Variants in FRAS1 observed in about 807,000 individuals in gnomAD.
FRAS1 encodes extracellular matrix organizing protein FRAS1.
FRAS1 carries 290 observed loss-of-function variants against 435.2 expected under a neutral mutation model. The ratio of observed to expected loss-of-function variants is 0.67; its 90% confidence interval spans 0.61 to 0.73. The LOEUF (loss-of-function observed/expected upper bound fraction) is 0.73, where lower values mean the gene tolerates loss of function less well. Among genes scored for constraint, FRAS1 ranks in the 30% least tolerant of loss-of-function variants. FRAS1 has a pLI of 0.00. For missense variants in FRAS1, 4,860 were observed against 5,001.5 expected (o/e 0.97, Z 0.85); for synonymous variants, 1,800 against 1,851.0 (o/e 0.97, Z 0.71).
intron 2 of FRAS1, among the ~76,000 whole-genome samples, chr4:78,206,783 A>T (rs1326359036): frequency 6.6e-6 from 1 of 152,186 alleles, no homozygotes; most frequent in Non-Finnish European, 1.5e-5. Context: ...TAGATGACTT[A>T]ACTGGGTGCA....
At position 78,294,325 on chromosome 4, in the gene FRAS1, A is replaced by G. The variant is rs116663741; in HGVS notation, c.1534+7786A>G. ...TTCAGTAGACATCACTGGAGTAGAC[A>G]ATAGGCATTTAATTAACAGGGGCCA... On this transcript the variant is annotated intron_variant, in intron 14 of 73. Coordinates refer to ENST00000512123, the MANE Select transcript of FRAS1 (RefSeq NM_025074.7). Among the ~76,000 whole-genome samples the G allele has an allele frequency of 1.7e-3, 266 of 152,284 alleles. 3 individuals are homozygous for G. The highest frequency in any genetic ancestry group is 5.7e-3 in the African/African-American group (238 of 41,570).
chr4:78,501,937 T>C (rs910768994), intron 61 of FRAS1, among the ~76,000 whole-genome samples: 2 of 152,258 alleles, frequency 1.3e-5, no homozygotes, highest in African/African-American at 4.8e-5. Context: ...GCTTTGTATA[T>C]ATGGCTAGCC....
At chr4:78,277,956 C>T (rs1179780084) in intron 9 of FRAS1, among the ~76,000 whole-genome samples, 2 of 151,980 alleles carry the variant, frequency 1.3e-5, no homozygotes, top group South Asian at 2.1e-4. Context: ...GGACTACAGG[C>T]ACCCTCCACT....
At chr4:78,301,074 G>C (rs947411431) in intron 14 of FRAS1, among the ~76,000 whole-genome samples, 1 of 152,186 alleles carries the variant, frequency 6.6e-6, no homozygotes, top group Non-Finnish European at 1.5e-5. Context: ...GGATCTTGAG[G>C]TTTGCAAGGC....
At chr4:78,285,755 A>C (rs184875408) in intron 13 of FRAS1, among the ~76,000 whole-genome samples, 1 of 152,274 alleles carries the variant, frequency 6.6e-6, no homozygotes, top group Non-Finnish European at 1.5e-5. Flanking sequence ...TTATCTATAA[A>C]GTGAGAGTAA....
intron 15 of FRAS1, among the ~76,000 whole-genome samples, chr4:78,314,813 G>A (rs112368066): frequency 2.6e-5 from 4 of 152,194 alleles, no homozygotes; most frequent in African/African-American, 9.6e-5. Flanking sequence ...AATGCTCAAC[G>A]GTTGCTCCTC....
intron 2 of FRAS1, among the ~76,000 whole-genome samples, chr4:78,156,535 C>A (rs897473269): frequency 2.0e-5 from 3 of 152,008 alleles, no homozygotes; most frequent in African/African-American, 7.2e-5. Flanking sequence ...AACAATGATG[C>A]CCACCTGGTC....
intron 2 of FRAS1, among the ~76,000 whole-genome samples, chr4:78,144,196 T>G (rs1231824029): frequency 2.0e-5 from 3 of 151,594 alleles, no homozygotes; most frequent in Admixed American, 1.3e-4. Flanking sequence ...AAAAGAATGA[T>G]AAATGCAACT....
intron 2 of FRAS1, among the ~76,000 whole-genome samples, chr4:78,122,141 C>T (rs549618694): frequency 3.9e-5 from 6 of 152,090 alleles, no homozygotes; most frequent in Non-Finnish European, 5.9e-5. Context: ...CCCCATCCCC[C>T]ACAGGCCCCA....
At chr4:78,191,478 T>C (rs1417882458) in intron 2 of FRAS1, among the ~76,000 whole-genome samples, 1 of 151,898 alleles carries the variant, frequency 6.6e-6, no homozygotes, top group Non-Finnish European at 1.5e-5. Context: ...CGTGAAAAAA[T>C]GTTTAAAGAA....
chr4:78,181,054 G>A (rs1216645371), intron 2 of FRAS1: 1 of 1,577,384 alleles, frequency 6.3e-7, no homozygotes. Context: ...TCATTTGCTG[G>A]CTTCTGGAAA....
chr4:78,097,870 T>G (rs1741892172), intron 2 of FRAS1, among the ~76,000 whole-genome samples: 1 of 151,964 alleles, frequency 6.6e-6, no homozygotes, highest in Non-Finnish European at 1.5e-5. Flanking sequence ...AAATGAGGCC[T>G]TATAAGAAGA....
At chr4:78,332,167 G>C (rs1472801990) in intron 18 of FRAS1, among the ~76,000 whole-genome samples, 6 of 152,170 alleles carry the variant, frequency 3.9e-5, no homozygotes, top group Admixed American at 3.9e-4. Flanking sequence ...GTAGCCTGGA[G>C]TGTAAGCGTA....
At chr4:78,516,402 G>A (rs1052626934) in intron 66 of FRAS1, among the ~76,000 whole-genome samples, 7 of 152,212 alleles carry the variant, frequency 4.6e-5, no homozygotes, top group Non-Finnish European at 1.0e-4. Context: ...GTCAGATGAT[G>A]CAGCCTGTCT....
At position 78,526,659 on chromosome 4, in the gene FRAS1, TAGGA is replaced by T. The variant is rs751126666; in HGVS notation, c.10925+4_10925+7del. On this transcript the variant is annotated splice_donor_5th_base_variant and intron_variant, in intron 70 of 73. Transcript: ENST00000512123. ...CTGCACTGCACATGCCCCAGAAAGG[TAGGA>T]AAATATAGTCAATCCTCATTATTTG... is the stretch of plus-strand genomic sequence containing the variant. The T allele has an allele frequency of 1.5e-5, 23 of 1,500,440 alleles. No homozygotes were observed. The highest frequency in any genetic ancestry group is 9.0e-7 in the Non-Finnish European group (1 of 1,109,960). 92.9% of individuals were successfully genotyped at this position (1,500,440 alleles called of 1,614,324 possible). A position where few individuals can be genotyped will look rare whatever the true frequency, so the allele number is the denominator to read the frequency against.
At chr4:78,273,096 A>G (rs983691473) in intron 9 of FRAS1, among the ~76,000 whole-genome samples, 6 of 152,182 alleles carry the variant, frequency 3.9e-5, no homozygotes, top group East Asian at 1.9e-4. Flanking sequence ...GAGTTCATGC[A>G]TGATTTGGCT....
intron 65 of FRAS1, 64 bp from the exon 66 acceptor site, chr4:78,515,735 C>A: frequency 1.3e-6 from 2 of 1,481,614 alleles, no homozygotes; most frequent in Non-Finnish European, 1.9e-6. Flanking sequence ...GAGCTCTTCA[C>A]CCCACCCTGC....
chr4:78,160,099 G>A (rs1378848303), intron 2 of FRAS1, among the ~76,000 whole-genome samples: 1 of 152,152 alleles, frequency 6.6e-6, no homozygotes, highest in African/African-American at 2.4e-5. Flanking sequence ...TTTATTTATA[G>A]TGCCTGTGAT....
At chr4:78,418,650 G>C (rs987584310) in intron 32 of FRAS1, among the ~76,000 whole-genome samples, 7 of 152,138 alleles carry the variant, frequency 4.6e-5, no homozygotes, top group African/African-American at 1.7e-4. Context: ...GTTCCACCTA[G>C]GAAAAAAGTA....
Sources: allele counts gnomAD v4.1 joint callset (sites outside exome capture counted in the v4.1 genomes callset), GRCh38; gene constraint gnomAD v4.1.1; transcripts MANE v1.5; gene names NCBI Gene and HGNC (gene_info 2026-07-23, HGNC 2026-07-21).